TAFA1: variants seen among roughly 807,000 people sequenced by gnomAD.
TAFA1 encodes the protein chemokine-like protein TAFA-1.
Under a neutral mutation model 18.5 loss-of-function variants are expected in TAFA1, and 4 were observed. The ratio of observed to expected loss-of-function variants is 0.22; its 90% CI spans 0.11 to 0.49. TAFA1 has a LOEUF of 0.49. TAFA1 is among the 20% of genes least tolerant of loss of function. TAFA1 has a pLI of 0.98. For synonymous variants in TAFA1, 56 were observed against 55.2 expected, an observed-to-expected ratio of 1.01 and a Z score of -0.06; for missense variants, 147 against 169.0, an observed-to-expected ratio of 0.87 and a Z score of 0.72.
intron 2 of TAFA1, among the ~76,000 whole-genome samples, chr3:68,168,517 A>T (rs1439887692): frequency 6.6e-6 from 1 of 152,246 alleles, no homozygotes; most frequent in Non-Finnish European, 1.5e-5. Context: ...CTGGTTATAA[A>T]TAATGTCTTC....
chr3:68,370,421 C>CACACACACACACATATATAT (rs1389267485), intron 2 of TAFA1, among the ~76,000 whole-genome samples: 37 of 92,830 alleles, frequency 4.0e-4, no homozygotes, highest in Non-Finnish European at 5.9e-4. Context: ...TATATGTACA[C>CACACACACACACATATATAT]ACACACACAC....
chr3:68,104,309 GTCTT>G (rs2065181195), intron 2 of TAFA1, among the ~76,000 whole-genome samples: 1 of 151,894 alleles, frequency 6.6e-6, no homozygotes, highest in Non-Finnish European at 1.5e-5. Context: ...ATTCAATTAA[GTCTT>G]TATTATCTTT....
At position 68,156,683 on chromosome 3, in the gene TAFA1, A is replaced by G. The variant is rs562389869; in HGVS notation, c.118+149939A>G. On this transcript the variant is annotated intron_variant, in intron 2 of 4. Coordinates refer to ENST00000478136, the MANE Select transcript of TAFA1 (RefSeq NM_213609.4). ...TACATTTTGAATTGGGTATTTAACA[A>G]TGAATATAACTTCAAAATGATGAAC... 2.7e-4 allele frequency among the ~76,000 whole-genome samples: 41 copies of G among 152,298 alleles called. No individual in the cohort carries two copies. The South Asian group carries it at 8.1e-3, about 30-fold the overall frequency.
chr3:68,282,065 G>C (rs1396477077), intron 2 of TAFA1, among the ~76,000 whole-genome samples: 3 of 152,196 alleles, frequency 2.0e-5, no homozygotes, highest in Non-Finnish European at 4.4e-5. Context: ...GCAAGAGGAA[G>C]TGCTGAGCAA....
chr3:68,326,501 T>G (rs1419531069), intron 2 of TAFA1, among the ~76,000 whole-genome samples: 1 of 152,310 alleles, frequency 6.6e-6, no homozygotes, highest in East Asian at 1.9e-4. Context: ...TTGGAACATG[T>G]TGACCTGAGA....
At chr3:68,250,375 C>G (rs558384507) in intron 2 of TAFA1, among the ~76,000 whole-genome samples, 2 of 152,276 alleles carry the variant, frequency 1.3e-5, no homozygotes, top group Non-Finnish European at 2.9e-5. Context: ...CATACTTGCT[C>G]ATAGTATTCC....
intron 2 of TAFA1, among the ~76,000 whole-genome samples, chr3:68,326,854 C>G (rs2068784305): frequency 6.6e-6 from 1 of 152,056 alleles, no homozygotes; most frequent in African/African-American, 2.4e-5. Context: ...AAACCCAAAA[C>G]CACAAAACAG....
At chr3:68,485,167 G>A (rs2072313765) in intron 3 of TAFA1, among the ~76,000 whole-genome samples, 1 of 152,006 alleles carries the variant, frequency 6.6e-6, no homozygotes, top group Non-Finnish European at 1.5e-5. Context: ...CTTAACAATT[G>A]CCGCAGCTAC....
chr3:68,460,288 A>G (rs972221219), intron 3 of TAFA1, among the ~76,000 whole-genome samples: 3 of 152,144 alleles, frequency 2.0e-5, no homozygotes, highest in Non-Finnish European at 4.4e-5. Flanking sequence ...ATCCTAGACC[A>G]TCTGATAAAT....
intron 2 of TAFA1, among the ~76,000 whole-genome samples, chr3:68,134,922 G>T (rs756809987): frequency 6.6e-6 from 1 of 152,174 alleles, no homozygotes; most frequent in African/African-American, 2.4e-5. Context: ...AAATAAGATA[G>T]AAGTTAATTT....
chr3:68,522,866 A>T (rs1009765229), intron 3 of TAFA1, among the ~76,000 whole-genome samples: 3 of 152,036 alleles, frequency 2.0e-5, no homozygotes, highest in Non-Finnish European at 2.9e-5. Context: ...ACTTGAGGTC[A>T]GGAGTTCAAG....
chr3:68,391,556 C>T (rs926572344), intron 2 of TAFA1, among the ~76,000 whole-genome samples: 6 of 152,100 alleles, frequency 3.9e-5, no homozygotes, highest in Non-Finnish European at 5.9e-5. Context: ...GACACATAAT[C>T]GTCAGATTCA....
At chr3:68,382,535 G>T (rs1347841401) in intron 2 of TAFA1, among the ~76,000 whole-genome samples, 1 of 151,940 alleles carries the variant, frequency 6.6e-6, no homozygotes, top group Non-Finnish European at 1.5e-5. Context: ...TTATCGTTAT[G>T]GGGCCTTATT....
intron 2 of TAFA1, among the ~76,000 whole-genome samples, chr3:68,165,291 G>C (rs372915646): frequency 6.6e-6 from 1 of 152,118 alleles, no homozygotes; most frequent in Non-Finnish European, 1.5e-5. Context: ...TCTTTCACCA[G>C]CAAAACTGCC....
intron 2 of TAFA1, among the ~76,000 whole-genome samples, chr3:68,213,790 G>C (rs1219080771): frequency 6.6e-6 from 1 of 152,052 alleles, no homozygotes; most frequent in African/African-American, 2.4e-5. Context: ...AGTGTACCCA[G>C]CTTAGAACTT....
chr3:68,110,495 C>T (rs1019176825), intron 2 of TAFA1, among the ~76,000 whole-genome samples: 3 of 151,874 alleles, frequency 2.0e-5, no homozygotes, highest in South Asian at 4.2e-4. Context: ...GGGTATATAC[C>T]CAGTATAGGA....
chr3:68,115,509 CT>C (rs897163009), intron 2 of TAFA1, among the ~76,000 whole-genome samples: 15 of 152,096 alleles, frequency 9.9e-5, no homozygotes. Context: ...ATAATGAGCC[CT>C]AGGATTAGTG....
chr3:68,259,503 A>C (rs963800141), intron 2 of TAFA1, among the ~76,000 whole-genome samples: 4 of 152,158 alleles, frequency 2.6e-5, no homozygotes, highest in Admixed American at 6.6e-5. Flanking sequence ...TGGGGATGGC[A>C]TTGAATCTAT....
intron 2 of TAFA1, among the ~76,000 whole-genome samples, chr3:68,332,054 G>C (rs2068885964): frequency 6.6e-6 from 1 of 151,426 alleles, no homozygotes; most frequent in Non-Finnish European, 1.5e-5. Flanking sequence ...TAGTAGAGAT[G>C]GGGTTTCACC....
Sources: allele counts gnomAD v4.1 joint callset (sites outside exome capture counted in the v4.1 genomes callset), GRCh38; gene constraint gnomAD v4.1.1; transcripts MANE v1.5; gene names NCBI Gene and HGNC (gene_info 2026-07-23, HGNC 2026-07-21).